ENTREP2: variants seen among roughly 807,000 people sequenced by gnomAD.
ENTREP2 encodes the protein protein ENTREP2.
the ENTREP2 span, among the ~76,000 whole-genome samples, chr15:29,443,834 G>C: frequency 2.6e-5 from 4 of 152,078 alleles, no homozygotes; most frequent in African/African-American, 4.8e-5. Context: ...GCCGGGCGCG[G>C]TGGCTCACAC....
the ENTREP2 span, among the ~76,000 whole-genome samples, chr15:29,593,780 G>T: frequency 1.3e-5 from 2 of 152,196 alleles, no homozygotes; most frequent in African/African-American, 4.8e-5. Context: ...TGGTTGCCAG[G>T]GAATCATAAT....
At chr15:29,548,180 C>G in the ENTREP2 span, among the ~76,000 whole-genome samples, 1 of 151,944 alleles carries the variant, frequency 6.6e-6, no homozygotes, top group Non-Finnish European at 1.5e-5. Flanking sequence ...TAAGATGGGG[C>G]CGGGTGGCTC....
the ENTREP2 span, among the ~76,000 whole-genome samples, chr15:29,192,318 G>C: frequency 1.3e-5 from 2 of 152,264 alleles, no homozygotes; most frequent in Non-Finnish European, 1.5e-5. Context: ...AAACCCCTAA[G>C]AGAAAGTTTC....
At chr15:29,448,743 G>A in the ENTREP2 span, among the ~76,000 whole-genome samples, 195 of 152,246 alleles carry the variant, frequency 1.3e-3, no homozygotes, top group African/African-American at 4.5e-3. Flanking sequence ...ACATCACATC[G>A]GTAGAGATGG....
chr15:29,329,206 A>G, the ENTREP2 span, among the ~76,000 whole-genome samples: 1 of 152,036 alleles, frequency 6.6e-6, no homozygotes, highest in African/African-American at 2.4e-5. Flanking sequence ...ACTAAAAAAT[A>G]CAAAAAATTA....
chr15:29,471,429 T>C, the ENTREP2 span, among the ~76,000 whole-genome samples: 1 of 152,174 alleles, frequency 6.6e-6, no homozygotes, highest in Non-Finnish European at 1.5e-5. Flanking sequence ...CACAGGTGGC[T>C]GAGAATAGGC....
chr15:29,269,113 G>A, the ENTREP2 span: 23 of 1,613,948 alleles, frequency 1.4e-5, no homozygotes, highest in African/African-American at 3.1e-4. Flanking sequence ...AAAGTCCCAG[G>A]CTTCAGTTTC....
the ENTREP2 span, among the ~76,000 whole-genome samples, chr15:29,289,692 A>G: frequency 6.6e-6 from 1 of 152,148 alleles, no homozygotes; most frequent in South Asian, 2.1e-4. Flanking sequence ...CTAAAAATAC[A>G]AAAATTAGCC....
At chr15:29,333,157 A>G in the ENTREP2 span, among the ~76,000 whole-genome samples, 1 of 152,086 alleles carries the variant, frequency 6.6e-6, no homozygotes, top group Non-Finnish European at 1.5e-5. Flanking sequence ...CATAGAGTGA[A>G]GTGACATGAA....
chr15:29,663,562 A>G, the ENTREP2 span, among the ~76,000 whole-genome samples: 2 of 152,342 alleles, frequency 1.3e-5, no homozygotes, highest in East Asian at 3.9e-4. Context: ...TGTCCTTTGT[A>G]GGGACATGGA....
the ENTREP2 span, among the ~76,000 whole-genome samples, chr15:29,405,990 A>C: frequency 4.6e-5 from 7 of 152,326 alleles, no homozygotes; most frequent in East Asian, 1.4e-3. Context: ...AACCATCTAC[A>C]TTCACACGGC....
At chr15:29,279,563 C>G in the ENTREP2 span, among the ~76,000 whole-genome samples, 1 of 152,070 alleles carries the variant, frequency 6.6e-6, no homozygotes, top group Non-Finnish European at 1.5e-5. Context: ...CGGGGTTTCA[C>G]CATGTTGGCC....
chr15:29,266,436 A>C, the ENTREP2 span: 1 of 152,234 alleles, frequency 6.6e-6, no homozygotes, highest in Non-Finnish European at 1.5e-5. Context: ...TGGCTGGAGA[A>C]ACTCACACAT....
the ENTREP2 span, chr15:29,136,499 C>T: frequency 1.3e-6 from 2 of 1,547,014 alleles, no homozygotes; most frequent in Admixed American, 2.0e-5. Flanking sequence ...CAGGTGGAGG[C>T]CCCTGAAAAG....
At chr15:29,629,217 G>C in the ENTREP2 span, among the ~76,000 whole-genome samples, 1 of 151,856 alleles carries the variant, frequency 6.6e-6, no homozygotes, top group Admixed American at 6.6e-5. Context: ...CACATAGATG[G>C]GTCATTTTTT....
chr15:29,224,150 C>T, the ENTREP2 span, among the ~76,000 whole-genome samples: 1 of 152,058 alleles, frequency 6.6e-6, no homozygotes, highest in Non-Finnish European at 1.5e-5. Flanking sequence ...TTCGTGGTCT[C>T]GCTGGCTCAG....
the ENTREP2 span, among the ~76,000 whole-genome samples, chr15:29,278,516 C>T: frequency 6.6e-6 from 1 of 152,202 alleles, no homozygotes; most frequent in Non-Finnish European, 1.5e-5. Context: ...CAGTTTGCCC[C>T]CTGTGAGGCC....
At chr15:29,625,932 C>T in the ENTREP2 span, among the ~76,000 whole-genome samples, 22 of 152,048 alleles carry the variant, frequency 1.4e-4, no homozygotes, top group East Asian at 3.9e-4. Context: ...CTGCAACCTC[C>T]GCCTCCCTCG....
the ENTREP2 span, among the ~76,000 whole-genome samples, chr15:29,276,163 C>T: frequency 1.3e-5 from 2 of 152,112 alleles, no homozygotes; most frequent in South Asian, 2.1e-4. Context: ...CTGGTGGAAG[C>T]GGGTGGAGAG....
Sources: allele counts gnomAD v4.1 joint callset (sites outside exome capture counted in the v4.1 genomes callset), GRCh38; gene constraint gnomAD v4.1.1; transcripts MANE v1.5; gene names NCBI Gene and HGNC (gene_info 2026-07-23, HGNC 2026-07-21).